The following SNX22 variants were observed in gnomAD, a reference collection of about 807,000 sequenced individuals.
SNX22 encodes sorting nexin 22, also known as sorting nexin-22.
Under a neutral mutation model 24.7 loss-of-function variants are expected in SNX22, and 23 were observed. That is an observed-to-expected ratio of 0.93 (90% confidence interval 0.67 to 1.32). SNX22 has a LOEUF of 1.32. Ranked by LOEUF, SNX22 falls within the 40% of genes most tolerant of loss-of-function variation. The pLI is 0.00. For synonymous variants in SNX22, 99 were observed against 104.0 expected, an observed-to-expected ratio of 0.95 and a Z score of 0.29; for missense variants, 261 against 249.9, an observed-to-expected ratio of 1.04 and a Z score of -0.30.
chr15:64,156,845 G>C lies in SNX22; in HGVS notation c.*2337G>C, dbSNP rs1192796934. On this transcript the variant is annotated 3_prime_UTR_variant, in exon 7 of 7. Coordinates refer to ENST00000325881, the MANE Select transcript of SNX22 (RefSeq NM_024798.3). The surrounding 1 kb of genome is among the most constrained non-coding windows in gnomAD (Gnocchi z 6.4). Reference sequence around the variant, plus strand: ...TGCCTGCGTTGGCCATGCTCACCCAGCCAGGCCCGTAGTGCTTCAGTTTGA... The same window carrying C: ...TGCCTGCGTTGGCCATGCTCACCCACCCAGGCCCGTAGTGCTTCAGTTTGA... 6.2e-7 allele frequency: 1 copy of C among 1,614,210 alleles called. No homozygotes were observed. The highest frequency in any genetic ancestry group is 2.2e-5 in the East Asian group (1 of 44,882).
Position 64,152,333 on chromosome 15 carries a change from C to A in SNX22, c.159+7C>A, listed in dbSNP as rs754597052. The A allele has an allele frequency of 8.5e-4, 1,288 of 1,509,720 alleles. No homozygotes were observed. Among genetic ancestry groups the A allele is most frequent in the Non-Finnish European group, 1.1e-3 (1,196 of 1,136,490 alleles). The allele number at this position is 1,509,720 out of a possible 1,614,324, so 93.5% of individuals were successfully genotyped here. A position where few individuals can be genotyped will look rare whatever the true frequency, so the allele number is the denominator to read the frequency against. On this transcript the variant is annotated splice_region_variant and intron_variant, in intron 2 of 6. Transcript: ENST00000325881. The stretch of plus-strand genomic sequence containing the variant: ...CCACGCGCTGCACAAGCGGGTGAGG[C>A]GGCGCCGACCTCCCACCGGCCCCGG...
chr15:64,152,418 C>G, intron 2 of SNX22, 92 bp downstream of exon 2: 1 of 1,358,810 alleles, frequency 7.4e-7, no homozygotes, highest in Non-Finnish European at 9.9e-7. Context: ...GCCCCAGCCT[C>G]CGCCACCCCC....
intron 1 of SNX22, 52 bp downstream of exon 1, chr15:64,151,902 C>A: frequency 6.7e-7 from 1 of 1,487,364 alleles, no homozygotes; most frequent in Non-Finnish European, 9.0e-7. Context: ...AGGATTTCCC[C>A]GCGCTGCGCT....
Position 64,156,344 on chromosome 15 carries a change from TG to T in SNX22, c.*1837del. The stretch of plus-strand genomic sequence containing the variant: ...ATTTGACGAGGGGGTACAGGAATTT[TG>T]TTCCTTTGAAGTAAGACCCAGGTTG... On this transcript the variant is annotated 3_prime_UTR_variant, in exon 7 of 7. Coordinates refer to ENST00000325881, the MANE Select transcript of SNX22 (RefSeq NM_024798.3). The surrounding 1 kb of genome is among the most constrained non-coding windows in gnomAD (Gnocchi z 6.4). 1 of 772,522 alleles carries T rather than the reference TG, an allele frequency of 1.3e-6. No homozygotes were observed. 47.9% of individuals were successfully genotyped at this position (772,522 alleles called of 1,614,324 possible). A position where few individuals can be genotyped will look rare whatever the true frequency, so the allele number is the denominator to read the frequency against.
rs763198054 is a variant in SNX22 at position 64,152,667 on chromosome 15, C to T, written c.189C>T (p.Phe63=). ...RIKKLYKVPD[F]PSKRLPNWRT... Reference sequence around the variant, plus strand: ...AGAAGCTGTACAAAGTGCCCGACTTCCCCTCGAAACGCCTGCCCAACTGGA... The same window carrying T: ...AGAAGCTGTACAAAGTGCCCGACTTTCCCTCGAAACGCCTGCCCAACTGGA... Residue 63 remains phenylalanine (F), a synonymous_variant, in exon 3 of 7, where the codon TTC becomes TTT. Transcript: ENST00000325881. 1.2e-6 allele frequency: 2 copies of T among 1,614,198 alleles called. No homozygotes were observed. Among genetic ancestry groups the T allele is most frequent in the Non-Finnish European group, 8.5e-7 (1 of 1,180,020 alleles).
rs1371467376 is a variant in SNX22, at chr15:64,152,228, C to G, written c.76-15C>G. On this transcript the variant is annotated splice_polypyrimidine_tract_variant and intron_variant, in intron 1 of 6. Coordinates refer to ENST00000325881, the MANE Select transcript of SNX22 (RefSeq NM_024798.3). ...GGGCCTCACGCGCAGACCCGCTGCC[C>G]GCCCGCGCCGCCAGGTGTTCCGAGT... 12 of 1,391,470 alleles carry G rather than the reference C, an allele frequency of 8.6e-6. No homozygotes were observed. The highest frequency in any genetic ancestry group is 1.0e-5 in the Non-Finnish European group (11 of 1,083,520). 86.2% of individuals were successfully genotyped at this position (1,391,470 alleles called of 1,614,324 possible).
chr15:64,152,359 C>A, intron 2 of SNX22, 33 bp downstream of exon 2: 5 of 1,492,556 alleles, frequency 3.3e-6, no homozygotes, highest in Non-Finnish European at 4.4e-6. Flanking sequence ...CCGGCCCCGG[C>A]CCAGCCTCTG....
Position 64,156,465 on chromosome 15 carries a change from C to T in SNX22, c.*1957C>T. 1.6e-6 allele frequency: 1 copy of T among 619,924 alleles called. No homozygotes were observed. The highest frequency in any genetic ancestry group is 2.9e-6 in the Non-Finnish European group (1 of 349,950). 38.4% of individuals were successfully genotyped at this position (619,924 alleles called of 1,614,324 possible). On this transcript the variant is annotated 3_prime_UTR_variant, in exon 7 of 7. Transcript: ENST00000325881. The surrounding 1 kb of genome is among the most constrained non-coding windows in gnomAD (Gnocchi z 6.4). ...CACTCTGTATACCTCAGGGGTGGGA[C>T]CAGCACGTCACTGAGTGAAGGAGGG...
In SNX22 at chr15:64,153,974, G is replaced by A. The variant is rs763190686; in HGVS notation, c.432G>A (p.Val144=). The change falls in exon 6 of 7, where the codon GTG becomes GTA. Residue 144 remains valine (V), a synonymous_variant. Coordinates refer to ENST00000325881, the MANE Select transcript of SNX22 (RefSeq NM_024798.3). The part of the protein sequence containing the change: ...QHQRPVLSFH[V]DPYVCNPSPE... ...AGCGGCCTGTCCTGAGCTTCCATGT[G>A]GATCCCTATGTTTGCAACCCCTCCC... is the stretch of plus-strand genomic sequence containing the variant. 2 of 1,613,894 alleles carry A rather than the reference G, an allele frequency of 1.2e-6. No homozygotes were observed. The highest frequency in any genetic ancestry group is 1.3e-5 in the African/African-American group (1 of 75,014).
chr15:64,152,334 G>A lies in SNX22; in HGVS notation c.159+8G>A. ...CACGCGCTGCACAAGCGGGTGAGGC[G>A]GCGCCGACCTCCCACCGGCCCCGGC... On this transcript the variant is annotated splice_region_variant and intron_variant, in intron 2 of 6. Transcript: ENST00000325881. 2.0e-6 allele frequency: 3 copies of A among 1,509,712 alleles called. No homozygotes were observed. The highest frequency in any genetic ancestry group is 2.6e-6 in the Non-Finnish European group (3 of 1,136,506). The allele number at this position is 1,509,712 out of a possible 1,614,324, so 93.5% of individuals were successfully genotyped here.
intron 6 of SNX22, 176 bp from the exon 7 acceptor site, chr15:64,154,211 T>C: frequency 6.3e-7 from 1 of 1,577,118 alleles, no homozygotes; most frequent in Non-Finnish European, 8.6e-7. Context: ...CTGACTTCTT[T>C]ACCAAGCTGA....
rs911609493 is a variant in SNX22, at chr15:64,153,080, G to T, written c.265-165G>T. 3 of 798,558 alleles carry T rather than the reference G, an allele frequency of 3.8e-6. No individual in the cohort carries two copies. In the African/African-American group the frequency reaches 5.2e-5, roughly 14 times the overall value. 49.5% of individuals were successfully genotyped at this position (798,558 alleles called of 1,614,324 possible). A position where few individuals can be genotyped will look rare whatever the true frequency, so the allele number is the denominator to read the frequency against. ...TGCCGCGTCATGGGGTACAACCTGT[G>T]CACACAGCGCCCAGCGCCCAGAAGG... On this transcript the variant is annotated intron_variant, in intron 3 of 6. Coordinates refer to ENST00000325881, the MANE Select transcript of SNX22 (RefSeq NM_024798.3).
chr15:64,153,217 GA>G, intron 3 of SNX22, 27 bp from the exon 4 acceptor site: 1 of 1,613,604 alleles, frequency 6.2e-7, no homozygotes, highest in Non-Finnish European at 8.5e-7. Context: ...AGCTGGGTCT[GA>G]TTGCAGGTCT....
At chr15:64,152,549 C>A in intron 2 of SNX22, 89 bp from the exon 3 acceptor site, 2 of 1,370,010 alleles carry the variant, frequency 1.5e-6, no homozygotes, top group Non-Finnish European at 2.0e-6. Context: ...AGCCCGAAGG[C>A]GGGGGCGCGG....
Position 64,156,054 on chromosome 15 carries a change from A to G in SNX22, c.*1546A>G, listed in dbSNP as rs1804427. 1.2e-6 allele frequency: 2 copies of G among 1,614,108 alleles called. No homozygotes were observed. The highest frequency in any genetic ancestry group is 2.2e-5 in the East Asian group (1 of 44,882). On this transcript the variant is annotated 3_prime_UTR_variant, in exon 7 of 7. Transcript: ENST00000325881. This position sits in a 1 kb window ranked among gnomAD's most constrained non-coding sequence, Gnocchi z 6.4. ...CTTGGCGATGGCAAAGGGCTTCTCC[A>G]CCTCGATCTTGCCGCAGTCTGCGAT...
Position 64,156,859 on chromosome 15 carries a change from G to A in SNX22, c.*2351G>A. ...ATGCTCACCCAGCCAGGCCCGTAGT[G>A]CTTCAGTTTGAAGTTCTCATCGGGG... is the stretch of plus-strand genomic sequence containing the variant. On this transcript the variant is annotated 3_prime_UTR_variant, in exon 7 of 7. Transcript: ENST00000325881. This position sits in a 1 kb window ranked among gnomAD's most constrained non-coding sequence, Gnocchi z 6.4. The A allele has an allele frequency of 6.2e-7, 1 of 1,614,164 alleles. No individual in the cohort carries two copies. The highest frequency in any genetic ancestry group is 8.5e-7 in the Non-Finnish European group (1 of 1,180,018).
At position 64,153,806 on chromosome 15, in the gene SNX22, C is replaced by A. The variant is rs2081504886; in HGVS notation, c.392+122C>A. On this transcript the variant is annotated intron_variant, in intron 5 of 6. Coordinates refer to ENST00000325881, the MANE Select transcript of SNX22 (RefSeq NM_024798.3). ...CCTGAAGTCTGTTTTCCCTTTGGTG[C>A]CTCCTGAGCCCATTTCCCACTCACC... 5.7e-6 allele frequency: 9 copies of A among 1,586,882 alleles called. No homozygotes were observed. In the Admixed American group the frequency reaches 6.8e-5, roughly 12 times the overall value.
chr15:64,154,337 C>T (rs1424564816), intron 6 of SNX22, 50 bp from the exon 7 acceptor site: 1 of 1,608,710 alleles, frequency 6.2e-7, no homozygotes, highest in East Asian at 2.2e-5. Flanking sequence ...TGAGCAGGAG[C>T]TCAAGGAGCT....
At position 64,156,629 on chromosome 15, in the gene SNX22, T is replaced by C. The variant is rs1370320593; in HGVS notation, c.*2121T>C. ...GCTGCATCTGTGGGTTGGGTCCTTT[T>C]GGGAAAGGGATGGACACATGGAGCT... On this transcript the variant is annotated 3_prime_UTR_variant, in exon 7 of 7. Transcript: ENST00000325881. This position sits in a 1 kb window ranked among gnomAD's most constrained non-coding sequence, Gnocchi z 6.4. The C allele has an allele frequency of 6.7e-7, 1 of 1,482,492 alleles. No homozygotes were observed. The highest frequency in any genetic ancestry group is 9.4e-7 in the Non-Finnish European group (1 of 1,060,838). 91.8% of individuals were successfully genotyped at this position (1,482,492 alleles called of 1,614,324 possible).
Sources: gnomAD v4.1 joint callset for allele counts on GRCh38, gnomAD v4.1.1 for gene constraint, Gnocchi (gnomAD v3.1) non-coding constraint, MANE v1.5 for transcripts, NCBI Gene and HGNC (gene_info 2026-07-23, HGNC 2026-07-21) for gene names.